CFTR: variants seen among roughly 807,000 people sequenced by gnomAD.
CFTR encodes the protein CF transmembrane conductance regulator, also known as cystic fibrosis transmembrane conductance regulator.
Under a neutral mutation model 171.6 loss-of-function variants are expected in CFTR, and 181 were observed. The observed-to-expected ratio is 1.05, with a 90% CI of 0.93 to 1.19. CFTR has a LOEUF of 1.19. Ranked by LOEUF, CFTR falls within the 50% of genes most tolerant of loss-of-function variation. The pLI, the probability that CFTR is intolerant of heterozygous loss-of-function variation, is 0.00. For missense variants in CFTR, 1,968 were observed against 1,734.7 expected, an observed-to-expected ratio of 1.13 and a Z score of -2.39; for synonymous variants, 583 against 608.0, an observed-to-expected ratio of 0.96 and a Z score of 0.60.
At chr7:117,543,336 AT>A (rs1450099003) in intron 9 of CFTR, among the ~76,000 whole-genome samples, 2 of 152,146 alleles carry the variant, frequency 1.3e-5, no homozygotes, top group Non-Finnish European at 2.9e-5. Context: ...TTTTACTTTG[AT>A]TTTAGGAATT....
intron 11 of CFTR, among the ~76,000 whole-genome samples, chr7:117,587,095 A>G (rs1175949845): frequency 1.3e-5 from 2 of 152,152 alleles, no homozygotes; most frequent in Non-Finnish European, 2.9e-5. Flanking sequence ...GATTGTTACC[A>G]CAGAAATATT....
intron 1 of CFTR, among the ~76,000 whole-genome samples, chr7:117,500,247 A>G (rs969207036): frequency 3.4e-5 from 5 of 145,500 alleles, no homozygotes; most frequent in Admixed American, 2.0e-4. Context: ...GGCATGGAGA[A>G]TTCTTTGATG....
chr7:117,572,923 C>G (rs1189861184), intron 11 of CFTR, among the ~76,000 whole-genome samples: 3 of 151,978 alleles, frequency 2.0e-5, no homozygotes, highest in African/African-American at 7.3e-5. Flanking sequence ...AATAAGCCAG[C>G]CATTAAAAAA....
intron 1 of CFTR, among the ~76,000 whole-genome samples, chr7:117,490,322 C>CACACACACAT (rs1798139261): frequency 7.0e-6 from 1 of 142,912 alleles, no homozygotes; most frequent in Non-Finnish European, 1.5e-5. Flanking sequence ...TACACACACA[C>CACACACACAT]ACACACACAC....
intron 23 of CFTR, among the ~76,000 whole-genome samples, chr7:117,649,133 A>C (rs1793041165): frequency 6.6e-6 from 1 of 151,778 alleles, no homozygotes; most frequent in Non-Finnish European, 1.5e-5. Context: ...AAACTATTAG[A>C]CTATAGTATT....
At position 117,610,654 on chromosome 7, in the gene CFTR, C is replaced by T. The variant is rs397508500; in HGVS notation, c.3124C>T (p.Gln1042Ter). 2 of 1,613,274 alleles carry T rather than the reference C, an allele frequency of 1.2e-6. No homozygotes were observed. The highest frequency in any genetic ancestry group is 1.3e-5 in the African/African-American group (1 of 74,844). Residue 1042 changes from glutamine to a stop codon, truncating the protein, a stop_gained, in exon 19 of 27, where the codon CAA becomes TAA. Coordinates refer to ENST00000003084, the MANE Select transcript of CFTR (RefSeq NM_000492.4). LOFTEE classifies it high-confidence loss of function. ...YFLQTSQQLKQLESEGRSPIF... is the reference protein window; with the variant it reads ...YFLQTSQQLK ...CCTCCAAACCTCACAGCAACTCAAA[C>T]AACTGGAATCTGAAGGTATGACAGT...
intron 11 of CFTR, among the ~76,000 whole-genome samples, chr7:117,574,017 A>G (rs574225109): frequency 6.6e-6 from 1 of 152,010 alleles, no homozygotes; most frequent in African/African-American, 2.4e-5. Context: ...ACTGCTTTTT[A>G]AAAAAATTAT....
chr7:117,536,950 A>C (rs1024466928), intron 7 of CFTR, among the ~76,000 whole-genome samples: 1 of 152,166 alleles, frequency 6.6e-6, no homozygotes, highest in Non-Finnish European at 1.5e-5. Flanking sequence ...TGCTCAATAC[A>C]TTTATTTCGT....
intron 11 of CFTR, among the ~76,000 whole-genome samples, chr7:117,582,858 G>C (rs1479087874): frequency 6.6e-6 from 1 of 152,062 alleles, no homozygotes; most frequent in Non-Finnish European, 1.5e-5. Context: ...TAAAAGGAGG[G>C]CTGTTTCTGG....
chr7:117,611,884 G>A, intron 20 of CFTR, 76 bp downstream of exon 20: 1 of 972,322 alleles, frequency 1.0e-6, no homozygotes, highest in Admixed American at 2.1e-5. Context: ...CATTCTATAG[G>A]TTATCAATTT....
Position 117,664,717 on chromosome 7 carries a change from T to A in CFTR, c.3993T>A (p.Phe1331Leu), listed in dbSNP as rs780170679. Reference protein sequence around the residue: ...EVGLRSVIEQFPGKLDFVLVD... With the variant: ...EVGLRSVIEQLPGKLDFVLVD... ...GGCTCAGATCTGTGATAGAACAGTT[T>A]CCTGGGAAGCTTGACTTTGTCCTTG... Residue 1331 changes from phenylalanine to leucine, a missense_variant, in exon 25 of 27, where the codon TTT (phenylalanine) becomes TTA (leucine). Phe to Leu is a conservative substitution (Grantham distance 22). Coordinates refer to ENST00000003084, the MANE Select transcript of CFTR (RefSeq NM_000492.4). The A allele has an allele frequency of 6.2e-7, 1 of 1,613,888 alleles. No homozygotes were observed. Among genetic ancestry groups the A allele is most frequent in the East Asian group, 2.2e-5 (1 of 44,880 alleles).
rs554345245 is a variant in CFTR at position 117,666,835 on chromosome 7, T to C, written c.4243-73T>C. 7.6e-5 allele frequency: 97 copies of C among 1,273,974 alleles called. No individual in the cohort carries two copies. In the African/African-American group the frequency reaches 1.3e-3, roughly 17 times the overall value. The allele number at this position is 1,273,974 out of a possible 1,614,324, so 78.9% of individuals were successfully genotyped here. A position where few individuals can be genotyped will look rare whatever the true frequency, so the allele number is the denominator to read the frequency against. On this transcript the variant is annotated intron_variant, in intron 26 of 26. Coordinates refer to ENST00000003084, the MANE Select transcript of CFTR (RefSeq NM_000492.4). ...TTTGACTTTTATTTTCCTTTGAGCC[T>C]GTGCCAGTTTCTGTCCCTGCTCTGG...
chr7:117,612,023 G>A (rs60355115), intron 20 of CFTR, among the ~76,000 whole-genome samples: 1,268 of 52,432 alleles, frequency 0.024, 20 homozygotes, highest in South Asian at 0.11. Context: ...ATATATATAT[G>A]TATATATATA....
At chr7:117,487,149 A>G (rs763074559) in intron 1 of CFTR, among the ~76,000 whole-genome samples, 3 of 152,248 alleles carry the variant, frequency 2.0e-5, no homozygotes, top group Middle Eastern at 3.4e-3. Flanking sequence ...GAAATGATGT[A>G]TATGGCTCAG....
At position 117,542,120 on chromosome 7, in the gene CFTR, T is replaced by A. The variant is rs748021847; in HGVS notation, c.1209+12T>A. On this transcript the variant is annotated intron_variant, in intron 9 of 26. Transcript: ENST00000003084. ...CCTTCTGGGAGGAGGTCAGAATTTT[T>A]AAAAAATTGTTTGCTCTAAACACCT... The A allele has an allele frequency of 2.3e-5, 32 of 1,403,944 alleles. No individual in the cohort carries two copies. In the South Asian group the frequency reaches 3.5e-4, roughly 15 times the overall value. 87.0% of individuals were successfully genotyped at this position (1,403,944 alleles called of 1,614,324 possible).
At chr7:117,656,745 C>T (rs1793189596) in intron 24 of CFTR, among the ~76,000 whole-genome samples, 1 of 152,054 alleles carries the variant, frequency 6.6e-6, no homozygotes, top group Non-Finnish European at 1.5e-5. Context: ...ATCAGGGGAC[C>T]TAAAATGTTG....
chr7:117,632,300 C>T (rs1376412209), intron 22 of CFTR, among the ~76,000 whole-genome samples: 1 of 152,068 alleles, frequency 6.6e-6, no homozygotes, highest in Non-Finnish European at 1.5e-5. Flanking sequence ...TGTGGTGGCT[C>T]ATGCTTGTAA....
chr7:117,562,682 C>T (rs1309717997), intron 11 of CFTR, among the ~76,000 whole-genome samples: 3 of 152,086 alleles, frequency 2.0e-5, no homozygotes, highest in African/African-American at 7.2e-5. Flanking sequence ...TGTCAAAGAA[C>T]TTGTAGGCTG....
At chr7:117,556,851 C>A (rs1799370117) in intron 10 of CFTR, among the ~76,000 whole-genome samples, 1 of 152,036 alleles carries the variant, frequency 6.6e-6, no homozygotes, top group Non-Finnish European at 1.5e-5. Context: ...TTTTGCAACT[C>A]CTTTATTGAT....
Sources: gnomAD v4.1 joint callset for allele counts (sites outside exome capture counted in the v4.1 genomes callset) on GRCh38, gnomAD v4.1.1 for gene constraint, MANE v1.5 for transcripts, NCBI Gene and HGNC (gene_info 2026-07-23, HGNC 2026-07-21) for gene names.